Variants in NEK7 observed in about 807,000 individuals in gnomAD.
NEK7 encodes serine/threonine-protein kinase Nek7.
A neutral mutation model predicts 44.6 loss-of-function variants in NEK7; 18 were observed. That is an observed-to-expected ratio of 0.40 (90% CI 0.28 to 0.60). The LOEUF is 0.60. NEK7 is among the 20% of genes least tolerant of loss of function. The pLI is 0.38. For synonymous variants in NEK7, 130 were observed against 121.1 expected (o/e 1.07, Z -0.48); for missense variants, 256 against 366.5 (o/e 0.70, Z 2.46).
intron 5 of NEK7, 127 bp downstream of exon 5, chr1:198,264,362 T>A: frequency 1.6e-6 from 1 of 631,804 alleles, no homozygotes. Context: ...ATCTGATAGA[T>A]ATGTAACAAA....
intron 3 of NEK7, chr1:198,256,249 AC>A (rs1653259525): frequency 7.0e-7 from 1 of 1,419,782 alleles, no homozygotes; most frequent in Non-Finnish European, 9.2e-7. Flanking sequence ...GCCCTTCCCT[AC>A]TTTGTGCCAC....
At chr1:198,227,569 T>G (rs1209896810) in intron 1 of NEK7, among the ~76,000 whole-genome samples, 1 of 152,188 alleles carries the variant, frequency 6.6e-6, no homozygotes, top group East Asian at 1.9e-4. Context: ...TTCTAACTGG[T>G]GTGAGATGGT....
At chr1:198,256,203 G>A (rs1653257744) in intron 3 of NEK7, 1 of 1,127,714 alleles carries the variant, frequency 8.9e-7, no homozygotes, top group African/African-American at 1.6e-5. Context: ...AATTTTTAAT[G>A]AGATACCATC....
chr1:198,252,528 C>CTGTA (rs1553253586), intron 2 of NEK7, among the ~76,000 whole-genome samples: 1 of 32,692 alleles, frequency 3.1e-5, no homozygotes, highest in Non-Finnish European at 5.1e-5. Context: ...ATCTCACATA[C>CTGTA]TATATATATA....
At chr1:198,228,422 G>A (rs1422857249) in intron 1 of NEK7, among the ~76,000 whole-genome samples, 1 of 152,068 alleles carries the variant, frequency 6.6e-6, no homozygotes, top group African/African-American at 2.4e-5. Context: ...TTGGTAGCTT[G>A]ATGGGGATGG....
intron 1 of NEK7, among the ~76,000 whole-genome samples, chr1:198,214,578 G>T (rs1665862950): frequency 1.3e-5 from 2 of 152,134 alleles, no homozygotes; most frequent in Admixed American, 1.3e-4. Flanking sequence ...GTAGAGGAAA[G>T]AATTACAGAG....
chr1:198,173,810 T>A (rs745789922), intron 1 of NEK7, among the ~76,000 whole-genome samples: 6 of 152,332 alleles, frequency 3.9e-5, no homozygotes, highest in African/African-American at 1.2e-4. Flanking sequence ...AAGTTTTTTT[T>A]ATAGAACATC....
At chr1:198,314,707 A>C (rs145135885) in intron 9 of NEK7, among the ~76,000 whole-genome samples, 23 of 152,036 alleles carry the variant, frequency 1.5e-4, no homozygotes, top group Admixed American at 3.3e-4. Context: ...AGGTGTCAGT[A>C]TGCCCCTGCA....
intron 1 of NEK7, among the ~76,000 whole-genome samples, chr1:198,192,034 G>C (rs532351366): frequency 7.2e-5 from 11 of 151,902 alleles, no homozygotes. Context: ...CTTTACCTTG[G>C]TAAGGGTTTT....
At chr1:198,267,712 G>A (rs1237647021) in intron 5 of NEK7, among the ~76,000 whole-genome samples, 1 of 151,982 alleles carries the variant, frequency 6.6e-6, no homozygotes, top group Non-Finnish European at 1.5e-5. Context: ...CAAAGTGCTG[G>A]GATTACAGGT....
intron 1 of NEK7, among the ~76,000 whole-genome samples, chr1:198,222,541 T>TC (rs1400661544): frequency 6.6e-6 from 1 of 152,102 alleles, no homozygotes; most frequent in East Asian, 1.9e-4. Flanking sequence ...ACGTGCTGTT[T>TC]CCCCCAAGCT....
intron 1 of NEK7, among the ~76,000 whole-genome samples, chr1:198,182,161 G>T (rs1204335248): frequency 1.3e-5 from 2 of 152,072 alleles, no homozygotes; most frequent in African/African-American, 4.8e-5. Context: ...TGGCTGTAAT[G>T]AATATTTTTT....
At chr1:198,160,369 T>A (rs1664068807) in intron 1 of NEK7, among the ~76,000 whole-genome samples, 2 of 152,076 alleles carry the variant, frequency 1.3e-5, no homozygotes, top group African/African-American at 4.8e-5. Context: ...GTGTAGTATT[T>A]AAAAAATACA....
chr1:198,272,025 G>A (rs560574600), intron 5 of NEK7, among the ~76,000 whole-genome samples: 34 of 150,434 alleles, frequency 2.3e-4, no homozygotes, highest in African/African-American at 7.8e-4. Flanking sequence ...TCTACATATG[G>A]TATGTATATG....
intron 2 of NEK7, 30 bp downstream of exon 2, chr1:198,232,667 C>T: frequency 7.5e-7 from 1 of 1,326,602 alleles, no homozygotes; most frequent in South Asian, 1.2e-5. Context: ...ATGGGCAGAA[C>T]TATATATAAT....
At position 198,209,050 on chromosome 1, in the gene NEK7, TATATATATAC is replaced by T. The variant is rs1303942926; in HGVS notation, c.-28-23501_-28-23492del. ...ATATGTGTGTGTGTATATATATATATATATATATACACACACACATACGCACATATGTATA... is the reference window on the plus strand; with the variant it reads ...ATATGTGTGTGTGTATATATATATATACACACACATACGCACATATGTATA... On this transcript the variant is annotated intron_variant, in intron 1 of 9. Coordinates refer to ENST00000367385, the MANE Select transcript of NEK7 (RefSeq NM_133494.3). Among the ~76,000 whole-genome samples, 212 of 149,786 alleles carry T rather than the reference TATATATATAC, an allele frequency of 1.4e-3. 3 individuals are homozygous for T. The highest frequency in any genetic ancestry group is 4.8e-3 in the African/African-American group (195 of 40,800).
At chr1:198,219,846 T>G (rs948736760) in intron 1 of NEK7, among the ~76,000 whole-genome samples, 8 of 150,360 alleles carry the variant, frequency 5.3e-5, no homozygotes, top group Non-Finnish European at 1.0e-4. Context: ...TGTTAACTTT[T>G]GATTATTTGG....
chr1:198,290,132 T>C (rs1036111484), intron 7 of NEK7, among the ~76,000 whole-genome samples: 2 of 152,224 alleles, frequency 1.3e-5, no homozygotes, highest in African/African-American at 4.8e-5. Context: ...TATTGCAAAA[T>C]GTACTTTCAT....
At chr1:198,197,502 A>G (rs556242521) in intron 1 of NEK7, among the ~76,000 whole-genome samples, 16 of 152,328 alleles carry the variant, frequency 1.1e-4, no homozygotes, top group African/African-American at 3.8e-4. Context: ...TTTTTTTTCA[A>G]ATTTGTTTTC....
Sources: allele counts gnomAD v4.1 joint callset (sites outside exome capture counted in the v4.1 genomes callset), GRCh38; gene constraint gnomAD v4.1.1; transcripts MANE v1.5; gene names NCBI Gene and HGNC (gene_info 2026-07-23, HGNC 2026-07-21).